Variants in TNR observed in about 807,000 individuals in gnomAD.
The protein encoded by TNR is tenascin R.
In TNR, 45 loss-of-function variants were observed where a neutral mutation model predicts 150.4. The observed-to-expected ratio is 0.30, with a 90% CI of 0.24 to 0.38. The LOEUF (loss-of-function observed/expected upper bound fraction) is 0.38, where lower values mean the gene tolerates loss of function less well. Ranked by LOEUF, TNR falls within the 10% of genes least tolerant of loss-of-function variation. TNR has a pLI of 1.00. For synonymous variants in TNR, 687 were observed against 678.4 expected (o/e 1.01, Z -0.20); for missense variants, 1,544 against 1,759.1 (o/e 0.88, Z 2.19).
At chr1:175,440,363 C>T (rs538976239) in intron 2 of TNR, among the ~76,000 whole-genome samples, 13 of 113,612 alleles carry the variant, frequency 1.1e-4, no homozygotes, top group East Asian at 2.9e-4. Context: ...CATCATACAC[C>T]GGGGACTGTT....
intron 1 of TNR, among the ~76,000 whole-genome samples, chr1:175,572,618 A>C (rs981517508): frequency 2.0e-5 from 3 of 152,130 alleles, no homozygotes; most frequent in African/African-American, 7.2e-5. Context: ...GTACAGGCTT[A>C]TTATAAGAAA....
rs185172481 is a variant in TNR at position 175,427,926 on chromosome 1, C to A, written c.-63-21149G>T. 3.5e-4 allele frequency among the ~76,000 whole-genome samples: 52 copies of A among 147,028 alleles called. No individual in the cohort carries two copies. The East Asian group carries it at 0.01, about 29-fold the overall frequency. ...CCTTCCTTCCTTCCTTCCTTCCTTC[C>A]TTCCTGTCTCCATTTCCCAGGCACT... On this transcript the variant is annotated intron_variant, in intron 2 of 22. Transcript: ENST00000367674.
chr1:175,619,507 G>T (rs1393667758), intron 1 of TNR, among the ~76,000 whole-genome samples: 1 of 152,176 alleles, frequency 6.6e-6, no homozygotes, highest in East Asian at 1.9e-4. Context: ...AGGCTCATTA[G>T]TCTATCAAGT....
At chr1:175,626,871 T>C (rs1443262087) in intron 1 of TNR, among the ~76,000 whole-genome samples, 1 of 152,048 alleles carries the variant, frequency 6.6e-6, no homozygotes, top group East Asian at 1.9e-4. Context: ...TAATGACAAG[T>C]GATAAAAGGC....
chr1:175,460,509 G>A (rs1267281339), intron 2 of TNR, among the ~76,000 whole-genome samples: 5 of 152,104 alleles, frequency 3.3e-5, no homozygotes, highest in Admixed American at 6.6e-5. Context: ...TGAAATATTA[G>A]TAATTGGATC....
At position 175,503,240 on chromosome 1, in the gene TNR, C is replaced by T. The variant is rs182271562; in HGVS notation, c.-64+25029G>A. Among the ~76,000 whole-genome samples the T allele has an allele frequency of 9.2e-5, 14 of 152,298 alleles. No homozygotes were observed. The East Asian group carries it at 2.7e-3, about 29-fold the overall frequency. Reference sequence around the variant, plus strand: ...CCTCTGAAAGGCTGCATTCCAACAGCAATGGGCCCTGAGGATGGATCCCAA... The same window carrying T: ...CCTCTGAAAGGCTGCATTCCAACAGTAATGGGCCCTGAGGATGGATCCCAA... On this transcript the variant is annotated intron_variant, in intron 2 of 22. Coordinates refer to ENST00000367674, the MANE Select transcript of TNR (RefSeq NM_003285.3).
chr1:175,411,863 A>G (rs1571403482), intron 2 of TNR, among the ~76,000 whole-genome samples: 1 of 152,190 alleles, frequency 6.6e-6, no homozygotes, highest in Middle Eastern at 3.4e-3. Flanking sequence ...TCAGCCCATA[A>G]CAAATACTAG....
At position 175,485,764 on chromosome 1, in the gene TNR, T is replaced by G. The variant is rs113167172; in HGVS notation, c.-64+42505A>C. 1.4e-3 allele frequency among the ~76,000 whole-genome samples: 218 copies of G among 152,284 alleles called. 2 individuals are homozygous for G. The highest frequency in any genetic ancestry group is 5.0e-3 in the African/African-American group (207 of 41,550). On this transcript the variant is annotated intron_variant, in intron 2 of 22. Transcript: ENST00000367674. ...TAGTATAATGTTTATTTATATAGAATAAAATTGAGCCAGGCACGGCGAGCT... is the reference window on the plus strand; with the variant it reads ...TAGTATAATGTTTATTTATATAGAAGAAAATTGAGCCAGGCACGGCGAGCT...
At chr1:175,458,038 G>A (rs1365712448) in intron 2 of TNR, among the ~76,000 whole-genome samples, 3 of 152,220 alleles carry the variant, frequency 2.0e-5, no homozygotes, top group Non-Finnish European at 4.4e-5. Context: ...GTAAAATGGG[G>A]AAATAGTACC....
intron 1 of TNR, among the ~76,000 whole-genome samples, chr1:175,614,219 A>AAG (rs1443865653): frequency 6.6e-6 from 1 of 152,104 alleles, no homozygotes; most frequent in African/African-American, 2.4e-5. Context: ...ATATGGTAGG[A>AAG]AGAGAGAGAG....
chr1:175,520,557 C>G (rs1279399545), intron 2 of TNR, among the ~76,000 whole-genome samples: 2 of 152,224 alleles, frequency 1.3e-5, no homozygotes, highest in Non-Finnish European at 2.9e-5. Context: ...TCAGGTGGCA[C>G]TTGAACATGT....
intron 1 of TNR, among the ~76,000 whole-genome samples, chr1:175,654,085 T>C (rs549771771): frequency 2.6e-5 from 4 of 152,338 alleles, no homozygotes; most frequent in African/African-American, 9.6e-5. Flanking sequence ...ATTATTATCT[T>C]AAAGCACACT....
At chr1:175,547,863 G>A (rs1660774282) in intron 1 of TNR, among the ~76,000 whole-genome samples, 1 of 152,234 alleles carries the variant, frequency 6.6e-6, no homozygotes. Flanking sequence ...AAGCCACTCT[G>A]TAGAGAGCGT....
intron 1 of TNR, among the ~76,000 whole-genome samples, chr1:175,651,936 G>T (rs541291636): frequency 1.1e-4 from 17 of 151,190 alleles, no homozygotes; most frequent in African/African-American, 3.6e-4. Flanking sequence ...TATGTTCATG[G>T]ATGAAATAAG....
chr1:175,513,838 C>T (rs745398235), intron 2 of TNR, among the ~76,000 whole-genome samples: 2 of 152,234 alleles, frequency 1.3e-5, no homozygotes, highest in African/African-American at 2.4e-5. Flanking sequence ...CTCAAACTCA[C>T]TGCACATGCA....
chr1:175,552,487 G>T (rs1275890562), intron 1 of TNR, among the ~76,000 whole-genome samples: 1 of 152,180 alleles, frequency 6.6e-6, no homozygotes, highest in Non-Finnish European at 1.5e-5. Context: ...ACAACCATGT[G>T]CAGTACTCAG....
intron 1 of TNR, among the ~76,000 whole-genome samples, chr1:175,711,328 G>A (rs1356859463): frequency 6.6e-6 from 1 of 152,126 alleles, no homozygotes; most frequent in Non-Finnish European, 1.5e-5. Flanking sequence ...GGGAAAGAGT[G>A]TTTCTGGCAG....
chr1:175,367,387 A>T, intron 9 of TNR, 90 bp from the exon 10 acceptor site: 1 of 1,041,976 alleles, frequency 9.6e-7, no homozygotes, highest in Non-Finnish European at 1.5e-6. Flanking sequence ...TTAGACTCCT[A>T]TTCATATCTT....
At chr1:175,373,268 T>G (rs1245895994) in intron 9 of TNR, among the ~76,000 whole-genome samples, 5 of 152,210 alleles carry the variant, frequency 3.3e-5, no homozygotes, top group Non-Finnish European at 5.9e-5. Flanking sequence ...GGGACTAATA[T>G]AGGGTCCCTC....
Sources: allele counts gnomAD v4.1 joint callset (sites outside exome capture counted in the v4.1 genomes callset), GRCh38; gene constraint gnomAD v4.1.1; transcripts MANE v1.5; gene names NCBI Gene and HGNC (gene_info 2026-07-23, HGNC 2026-07-21).